Variants in MSL3 observed in about 807,000 individuals in gnomAD.
MSL3 encodes the protein MSL3-like 1.
Under a neutral mutation model 37.2 loss-of-function variants are expected in MSL3, and 5 were observed. The observed-to-expected ratio is 0.13, with a 90% confidence interval of 0.07 to 0.28. MSL3 has a LOEUF of 0.28. MSL3 is among the 10% of genes least tolerant of loss of function. The pLI, the probability that MSL3 is intolerant of heterozygous loss-of-function variation, is 1.00. For synonymous variants in MSL3, 149 were observed against 147.6 expected (o/e 1.01, Z -0.07); for missense variants, 315 against 408.5 (o/e 0.77, Z 1.97).
chrX:11,766,714 G>A (rs1446292803), intron 9 of MSL3: 4 of 753,148 alleles, frequency 5.3e-6, no homozygotes, highest in African/African-American at 2.3e-5. Flanking sequence ...CCTGTCCCCC[G>A]GCACACTGTG....
In MSL3 at chrX:11,765,469, G is replaced by A. The variant is rs760898427; in HGVS notation, c.911G>A (p.Ser304Asn). The A allele has an allele frequency of 8.4e-7, 1 of 1,184,485 alleles. No individual in the cohort carries two copies. The highest frequency in any genetic ancestry group is 1.1e-6 in the Non-Finnish European group (1 of 879,766). The change falls in exon 9 of 13, where the codon AGC (serine) becomes AAC (asparagine). Residue 304 changes from serine (S) to asparagine (N), a missense_variant and splice_region_variant. Physicochemically the swap from Ser to Asn is conservative, Grantham distance 46. Coordinates refer to ENST00000312196, the MANE Select transcript of MSL3 (RefSeq NM_078629.4). ...GTGACATCCTCCATCTTCCCTAGGA[G>A]CCAGGAGGAACTCTCTCCCAGTCCG... Reference protein sequence around the residue: ...IKESATSTNRSQEELSPSPPL... With the variant: ...IKESATSTNRNQEELSPSPPL...
chrX:11,775,029 G>A lies in MSL3; in HGVS notation c.1516G>A (p.Ala506Thr), dbSNP rs762153772. 1.1e-5 allele frequency: 13 copies of A among 1,208,956 alleles called. No individual in the cohort carries two copies. Among genetic ancestry groups the A allele is most frequent in the South Asian group, 3.5e-5 (2 of 56,748 alleles). Residue 506 changes from alanine (A) to threonine (T), a missense_variant, in exon 13 of 13, where the codon GCT becomes ACT. Coordinates refer to ENST00000312196, the MANE Select transcript of MSL3 (RefSeq NM_078629.4). ...CTTCTTCCCAGAGTCGGCTTATGTC[G>A]CTGCCTGTGAGGCACATTACAGCAC... ...DDFFPESAYV[A>T]ACEAHYSTKN...
At chrX:11,774,485 A>G (rs1274688565) in intron 12 of MSL3, among the ~76,000 whole-genome samples, 4 of 110,169 alleles carry the variant, frequency 3.6e-5, no homozygotes, top group Non-Finnish European at 5.7e-5. Context: ...ACGCCCAGCT[A>G]ATTTTTTGTG....
chrX:11,774,807 A>T (rs1294521497), intron 12 of MSL3, among the ~76,000 whole-genome samples, 173 bp from the exon 13 acceptor site: 2 of 111,495 alleles, frequency 1.8e-5, no homozygotes, highest in Middle Eastern at 4.6e-3. Flanking sequence ...ATTCACATAG[A>T]AGCTGGATAA....
At chrX:11,772,552 C>T in intron 11 of MSL3, 69 bp from the exon 12 acceptor site, 1 of 764,917 alleles carries the variant, frequency 1.3e-6, no homozygotes, top group Non-Finnish European at 2.0e-6. Flanking sequence ...CCAGACCTTC[C>T]CTGAGTGAAT....
intron 8 of MSL3, chrX:11,764,338 G>T (rs745430112): frequency 8.4e-6 from 1 of 118,844 alleles, no homozygotes; most frequent in East Asian, 2.6e-4. Flanking sequence ...GCAGGTGTGG[G>T]ATGGACGGAA....
At chrX:11,765,033 T>C (rs755628974) in intron 8 of MSL3, among the ~76,000 whole-genome samples, 2 of 112,788 alleles carry the variant, frequency 1.8e-5, no homozygotes, top group East Asian at 5.6e-4. Context: ...AACGAGGTGG[T>C]AGGGTATTCT....
chrX:11,774,344 G>T (rs972328893), intron 12 of MSL3, among the ~76,000 whole-genome samples: 7 of 111,653 alleles, frequency 6.3e-5, no homozygotes, highest in African/African-American at 2.0e-4. Flanking sequence ...TTTTGAGACG[G>T]AGTCTTGCTC....
At chrX:11,767,178 A>C (rs941268511) in intron 9 of MSL3, 1 of 754,295 alleles carries the variant, frequency 1.3e-6, no homozygotes, top group Non-Finnish European at 1.6e-6. Context: ...AGGTGCGTGA[A>C]AGTATTTGCT....
Position 11,761,496 on chromosome X carries a change from C to T in MSL3, c.383-4C>T. 2 of 1,177,890 alleles carry T rather than the reference C, an allele frequency of 1.7e-6. No individual in the cohort carries two copies. On this transcript the variant is annotated splice_polypyrimidine_tract_variant and splice_region_variant and intron_variant, in intron 4 of 12. Transcript: ENST00000312196. ...AGTTTACCGGATGCTTTTGTTTCACCTAGCATTAAGCAGTTCCTCTGACTG... is the reference window on the plus strand; with the variant it reads ...AGTTTACCGGATGCTTTTGTTTCACTTAGCATTAAGCAGTTCCTCTGACTG...
intron 8 of MSL3, 129 bp downstream of exon 8, chrX:11,764,067 T>A: frequency 1.7e-6 from 1 of 594,358 alleles, no homozygotes; most frequent in South Asian, 3.9e-5. Flanking sequence ...GAAAAGTGTG[T>A]GTCCTGGTGG....
chrX:11,762,388 T>G (rs757367197), intron 6 of MSL3, 136 bp downstream of exon 6: 2 of 545,996 alleles, frequency 3.7e-6, no homozygotes, highest in South Asian at 8.4e-5. Flanking sequence ...TGAGTCAGGT[T>G]TTAAAGTTCT....
chrX:11,760,735 A>T (rs1304720918), intron 3 of MSL3, 102 bp from the exon 4 acceptor site: 6 of 699,318 alleles, frequency 8.6e-6, no homozygotes, highest in African/African-American at 4.4e-5. Flanking sequence ...AAGTTTAATA[A>T]TTTTTCAAAT....
chrX:11,768,552 T>C lies in MSL3; in HGVS notation c.1172-21T>C, dbSNP rs765191997. On this transcript the variant is annotated intron_variant, in intron 9 of 12. Coordinates refer to ENST00000312196, the MANE Select transcript of MSL3 (RefSeq NM_078629.4). ...TTTAATTCAGTTGCTGTGTGAATAA[T>C]TTCATCTTTTTCTTTGGAAGAGACA... 19 of 1,049,981 alleles carry C rather than the reference T, an allele frequency of 1.8e-5. No homozygotes were observed. The South Asian group carries it at 3.6e-4, about 20-fold the overall frequency. The allele number at this position is 1,049,981 out of a possible 1,213,427, so 86.5% of individuals were successfully genotyped here.
intron 5 of MSL3, 49 bp downstream of exon 5, chrX:11,761,631 G>C (rs2053133899): frequency 1.2e-6 from 1 of 814,468 alleles, no homozygotes. Flanking sequence ...ATATTTTAGT[G>C]GTAAAAATTC....
At chrX:11,758,654 C>A in intron 1 of MSL3, 2 of 1,162,824 alleles carry the variant, frequency 1.7e-6, no homozygotes, top group Non-Finnish European at 2.3e-6. Flanking sequence ...CCGACTGCAA[C>A]GGTGGCCGCT....
At chrX:11,760,235 T>C (rs994142569) in intron 2 of MSL3, 168 bp from the exon 3 acceptor site, 8 of 397,589 alleles carry the variant, frequency 2.0e-5, no homozygotes, top group Non-Finnish European at 3.0e-5. Flanking sequence ...TGTTTCTGTG[T>C]CTGAATGAGT....
At chrX:11,761,088 T>C (rs2053128178) in intron 4 of MSL3, 151 bp downstream of exon 4, 4 of 444,627 alleles carry the variant, frequency 9.0e-6, no homozygotes, top group Admixed American at 9.2e-5. Flanking sequence ...TAGCAGTCAA[T>C]ATAAGTCAGT....
chrX:11,765,281 A>G (rs7055717), intron 8 of MSL3, among the ~76,000 whole-genome samples, 186 bp from the exon 9 acceptor site: 11,150 of 111,787 alleles, frequency 0.1, 617 homozygotes, highest in African/African-American at 0.22. Context: ...GCTCTAAGAC[A>G]CATATAACAG....
Sources: allele counts gnomAD v4.1 joint callset (sites outside exome capture counted in the v4.1 genomes callset), GRCh38; gene constraint gnomAD v4.1.1; transcripts MANE v1.5; gene names NCBI Gene and HGNC (gene_info 2026-07-23, HGNC 2026-07-21).